HSH2D: variants seen among roughly 807,000 people sequenced by gnomAD.
HSH2D encodes the protein hematopoietic SH2 domain containing.
HSH2D carries 16 observed loss-of-function variants against 21.5 expected under a neutral mutation model. That is an observed-to-expected ratio of 0.74 (90% CI 0.50 to 1.13). The LOEUF is 1.13. Among genes scored for constraint, HSH2D ranks in the 50% most tolerant of loss-of-function variants. The pLI, the probability that HSH2D is intolerant of heterozygous loss-of-function variation, is 0.00. For synonymous variants in HSH2D, 172 were observed against 184.7 expected (o/e 0.93, Z 0.56); for missense variants, 418 against 441.4 (o/e 0.95, Z 0.47).
chr19:16,141,947 G>A (rs1219817740), upstream of HSH2D: 1 of 151,986 alleles, frequency 6.6e-6, no homozygotes, highest in African/African-American at 2.4e-5. Flanking sequence ...TTAGTCAGGT[G>A]TGGTGGTGTG....
upstream of HSH2D, among the ~76,000 whole-genome samples, chr19:16,142,965 T>C (rs1438990208): frequency 2.7e-5 from 4 of 145,924 alleles, no homozygotes; most frequent in Non-Finnish European, 6.0e-5. Context: ...GACAGGGTTT[T>C]ACCATGTTGG....
At chr19:16,143,856 G>A in intron 1 of HSH2D, 82 bp downstream of exon 1, 1 of 311,188 alleles carries the variant, frequency 3.2e-6, no homozygotes, top group South Asian at 2.1e-5. Context: ...AGGGCTAGTG[G>A]GGCCTGGGGT....
Position 16,136,606 on chromosome 19 carries a change from C to T in HSH2D, c.-324+2371C>T, listed in dbSNP as rs558915915. Among the ~76,000 whole-genome samples the T allele has an allele frequency of 4.6e-5, 7 of 152,222 alleles. No homozygotes were observed. The South Asian group carries it at 1.2e-3, about 27-fold the overall frequency. The stretch of plus-strand genomic sequence containing the variant: ...TAGATAAGCGAGCTAGAAGCTTGCA[C>T]GGGGAAATGCCAGCAGCTGCGTCAA... On this transcript the variant is annotated intron_variant, in intron 1 of 7. Transcript: ENST00000616645.
chr19:16,156,031 A>T (rs533044186), intron 5 of HSH2D, among the ~76,000 whole-genome samples: 1 of 151,934 alleles, frequency 6.6e-6, no homozygotes, highest in African/African-American at 2.4e-5. Context: ...GGTGGGAGGG[A>T]CAAAAATGAG....
upstream of HSH2D, among the ~76,000 whole-genome samples, chr19:16,139,159 G>A (rs1205021072): frequency 6.6e-6 from 1 of 152,236 alleles, no homozygotes. Context: ...CACCCGGCCC[G>A]ATCTTGCCTT....
intron 3 of HSH2D, 152 bp downstream of exon 3, chr19:16,152,793 T>A: frequency 1.3e-6 from 1 of 762,090 alleles, no homozygotes; most frequent in Non-Finnish European, 2.3e-6. Flanking sequence ...AAGCAATGAG[T>A]GAAGCTTTTG....
chr19:16,141,870 C>G (rs549512135), upstream of HSH2D: 1 of 152,016 alleles, frequency 6.6e-6, no homozygotes, highest in Non-Finnish European at 1.5e-5. Context: ...TCGCTTGAGC[C>G]CCAGGAGTTT....
At chr19:16,148,403 C>T (rs1196004884) in intron 1 of HSH2D, among the ~76,000 whole-genome samples, 2 of 152,130 alleles carry the variant, frequency 1.3e-5, no homozygotes, top group African/African-American at 4.8e-5. Flanking sequence ...CCCACCTTGG[C>T]TTCCCAAAGT....
chr19:16,157,185 A>T lies in HSH2D; in HGVS notation c.475-25A>T. On this transcript the variant is annotated intron_variant, in intron 5 of 5. Transcript: ENST00000613986. This position sits in a 1 kb window ranked among gnomAD's most constrained non-coding sequence, Gnocchi z 4.4. ...GGTGCTCTGGTGGGCAAGCTGCCCC[A>T]GGCCTCCCCTACTCTCATTTTCAGG... The T allele has an allele frequency of 2.0e-6, 3 of 1,508,350 alleles. No individual in the cohort carries two copies. Among genetic ancestry groups the T allele is most frequent in the Non-Finnish European group, 2.7e-6 (3 of 1,126,592 alleles). 93.4% of individuals were successfully genotyped at this position (1,508,350 alleles called of 1,614,324 possible).
intron 1 of HSH2D, among the ~76,000 whole-genome samples, chr19:16,135,569 G>C (rs1183230431): frequency 6.6e-6 from 1 of 152,030 alleles, no homozygotes; most frequent in Non-Finnish European, 1.5e-5. Context: ...GCCCTTCCTG[G>C]CTCACTCCAC....
intron 1 of HSH2D, among the ~76,000 whole-genome samples, chr19:16,147,024 CCAT>C (rs2091080705): frequency 1.3e-5 from 2 of 151,868 alleles, no homozygotes; most frequent in South Asian, 4.2e-4. Flanking sequence ...TGGGGTTTCA[CCAT>C]GTTGGCCAGG....
upstream of HSH2D, among the ~76,000 whole-genome samples, chr19:16,143,015 C>A (rs184607577): frequency 6.6e-6 from 1 of 151,676 alleles, no homozygotes; most frequent in African/African-American, 2.4e-5. Context: ...ATGATCCACC[C>A]GCCTCGGCCT....
chr19:16,151,691 AG>A lies in HSH2D; in HGVS notation c.126-859del, dbSNP rs1275779711. ...TGGGAGGAGGTCTGGCCTGAGATCAAGGTCATCAGACGCCTCCTAGCTCCTC... is the reference window on the plus strand; with the variant it reads ...TGGGAGGAGGTCTGGCCTGAGATCAAGTCATCAGACGCCTCCTAGCTCCTC... On this transcript the variant is annotated intron_variant, in intron 2 of 5. Transcript: ENST00000613986. 7.1e-6 allele frequency: 3 copies of A among 422,690 alleles called. No homozygotes were observed. The Admixed American group carries it at 7.6e-5, about 11-fold the overall frequency. 26.2% of individuals were successfully genotyped at this position (422,690 alleles called of 1,614,324 possible).
At chr19:16,154,865 C>G in intron 5 of HSH2D, 4 of 190,582 alleles carry the variant, frequency 2.1e-5, no homozygotes, top group Non-Finnish European at 3.4e-5. Flanking sequence ...CCCCAGGCCC[C>G]AGACCTAAAG....
At chr19:16,151,927 G>A (rs1472775620) in intron 2 of HSH2D, among the ~76,000 whole-genome samples, 4 of 143,796 alleles carry the variant, frequency 2.8e-5, no homozygotes, top group Non-Finnish European at 6.0e-5. Context: ...CCAACATGGT[G>A]AAACCCTGTC....
At chr19:16,135,632 C>T (rs2090958374) in intron 1 of HSH2D, among the ~76,000 whole-genome samples, 4 of 152,112 alleles carry the variant, frequency 2.6e-5, no homozygotes. Context: ...CTGAGAAGGC[C>T]CCAGGGCCTT....
chr19:16,152,973 C>T, intron 3 of HSH2D, 70 bp from the exon 4 acceptor site: 1 of 1,551,908 alleles, frequency 6.4e-7, no homozygotes. Context: ...CGCTGCCGGC[C>T]CAAGGGCTGG....
intron 1 of HSH2D, among the ~76,000 whole-genome samples, chr19:16,137,019 C>G (rs988704217): frequency 1.3e-5 from 2 of 152,198 alleles, no homozygotes; most frequent in Non-Finnish European, 2.9e-5. Flanking sequence ...CTTCTCTTAA[C>G]CTCACTCTTG....
At chr19:16,149,508 C>A (rs2091119531) in intron 2 of HSH2D, among the ~76,000 whole-genome samples, 2 of 148,048 alleles carry the variant, frequency 1.4e-5, no homozygotes, top group African/African-American at 5.0e-5. Flanking sequence ...CGGCCAGAAT[C>A]TTTCTGAACA....
Sources: allele counts gnomAD v4.1 joint callset (sites outside exome capture counted in the v4.1 genomes callset), GRCh38; gene constraint gnomAD v4.1.1; non-coding constraint Gnocchi (gnomAD v3.1); transcripts MANE v1.5; gene names NCBI Gene and HGNC (gene_info 2026-07-23, HGNC 2026-07-21).